The following SH3D19 variants were observed in gnomAD, a reference collection of about 807,000 sequenced individuals.
The protein encoded by SH3D19 is SH3 domain containing 19, also known as SH3 domain-containing protein 19.
Under a neutral mutation model 112.1 loss-of-function variants are expected in SH3D19, and 58 were observed. That is an observed-to-expected ratio of 0.52 (90% CI 0.42 to 0.64). SH3D19 has a LOEUF of 0.64. Ranked by LOEUF, SH3D19 falls within the 30% of genes least tolerant of loss-of-function variation. The pLI, the probability that SH3D19 is intolerant of heterozygous loss-of-function variation, is 0.00. For synonymous variants in SH3D19, 391 were observed against 448.5 expected (o/e 0.87, Z 1.62); for missense variants, 1,090 against 1,263.4 (o/e 0.86, Z 2.08).
intron 1 of SH3D19, among the ~76,000 whole-genome samples, chr4:151,306,409 G>A (rs936958945): frequency 6.6e-6 from 1 of 152,138 alleles, no homozygotes; most frequent in Non-Finnish European, 1.5e-5. Flanking sequence ...ATTGTTAGGA[G>A]AATTACAGGA....
intron 8 of SH3D19, among the ~76,000 whole-genome samples, chr4:151,160,756 G>C (rs2149798773): frequency 6.8e-6 from 1 of 146,246 alleles, no homozygotes; most frequent in South Asian, 2.2e-4. Flanking sequence ...AAGATGATTT[G>C]TCAGGTTCCT....
rs375690535 is a variant in SH3D19 at position 151,282,215 on chromosome 4, G to A, written c.112+43026C>T. 3 of 1,613,786 alleles carry A rather than the reference G, an allele frequency of 1.9e-6. No homozygotes were observed. Among genetic ancestry groups the A allele is most frequent in the African/African-American group, 2.7e-5 (2 of 74,924 alleles). On this transcript the variant is annotated intron_variant, in intron 1 of 19. Transcript: ENST00000604030. Reference sequence around the variant, plus strand: ...TACAGTAGGTGACTCAAGGAAACGTGTGAAGTACTACGTGTCCAAAATCGT... The same window carrying A: ...TACAGTAGGTGACTCAAGGAAACGTATGAAGTACTACGTGTCCAAAATCGT...
intron 1 of SH3D19, among the ~76,000 whole-genome samples, chr4:151,322,500 C>CAAAAA (rs11420449): frequency 3.3e-5 from 4 of 122,638 alleles, no homozygotes; most frequent in African/African-American, 1.2e-4. Context: ...ATAATTCTGC[C>CAAAAA]AAAAAAAAAA....
At chr4:151,292,958 A>C (rs1317929158) in intron 1 of SH3D19, among the ~76,000 whole-genome samples, 1 of 151,944 alleles carries the variant, frequency 6.6e-6, no homozygotes. Flanking sequence ...TGTCTCTACC[A>C]AAAATACAAA....
chr4:151,174,624 C>T lies in SH3D19; in HGVS notation c.1534+46G>A, dbSNP rs1189267984. The T allele has an allele frequency of 4.1e-6, 6 of 1,473,966 alleles. No individual in the cohort carries two copies. The South Asian group carries it at 7.8e-5, about 19-fold the overall frequency. 91.3% of individuals were successfully genotyped at this position (1,473,966 alleles called of 1,614,324 possible). ...AAACAGCAAGTGCCATTTAAAATAC[C>T]CTATCATGAGTTTAGATTCCCCTCC... On this transcript the variant is annotated intron_variant, in intron 7 of 19. Coordinates refer to ENST00000604030, the MANE Select transcript of SH3D19 (RefSeq NM_001378122.1).
chr4:151,284,992 C>T (rs960985868), intron 1 of SH3D19, among the ~76,000 whole-genome samples: 2 of 152,148 alleles, frequency 1.3e-5, no homozygotes, highest in Non-Finnish European at 2.9e-5. Context: ...TAAGGTAGCT[C>T]TGAACTCTAT....
In SH3D19 at chr4:151,175,826, A is replaced by G. The variant is rs1277883689; in HGVS notation, c.530-152T>C. ...CTTTTAATTAGTAAAAAGTGATTCA[A>G]AAATGGAAATGTTTATTCTGTTTCC... On this transcript the variant is annotated intron_variant, in intron 6 of 19. Transcript: ENST00000604030. 5 of 664,504 alleles carry G rather than the reference A, an allele frequency of 7.5e-6. No homozygotes were observed. The Admixed American group carries it at 1.3e-4, about 17-fold the overall frequency. 41.2% of individuals were successfully genotyped at this position (664,504 alleles called of 1,614,324 possible).
chr4:151,304,163 T>A (rs1198894373), intron 1 of SH3D19, among the ~76,000 whole-genome samples: 1 of 152,028 alleles, frequency 6.6e-6, no homozygotes, highest in Non-Finnish European at 1.5e-5. Flanking sequence ...ATTTGACATA[T>A]CTGAGTGACA....
In SH3D19 at chr4:151,156,356, G is replaced by A. The variant is rs190948940; in HGVS notation, c.1755+2884C>T. On this transcript the variant is annotated intron_variant, in intron 9 of 19. Coordinates refer to ENST00000604030, the MANE Select transcript of SH3D19 (RefSeq NM_001378122.1). ...CTTGTACGGAACCGCAAAAGGCCCC[G>A]AATAGTCAAAACAATCCTGAGCCAA... is the stretch of plus-strand genomic sequence containing the variant. Among the ~76,000 whole-genome samples the A allele has an allele frequency of 5.3e-5, 8 of 152,114 alleles. No individual in the cohort carries two copies. The East Asian group carries it at 1.5e-3, about 29-fold the overall frequency.
intron 19 of SH3D19, among the ~76,000 whole-genome samples, chr4:151,125,175 C>T (rs1303442362): frequency 1.3e-5 from 2 of 152,090 alleles, no homozygotes; most frequent in African/African-American, 4.8e-5. Context: ...ATAAGAAATA[C>T]CTATCATTTA....
In SH3D19 at chr4:151,148,010, G is replaced by A. The variant is rs1449779805; in HGVS notation, c.1994C>T (p.Ser665Leu). The A allele has an allele frequency of 6.2e-7, 1 of 1,614,142 alleles. No homozygotes were observed. The change falls in exon 11 of 20, where the codon TCA (serine) becomes TTA (leucine). Residue 665 changes from serine (S) to leucine (L), a missense_variant. By Grantham distance (145) the Ser-to-Leu change is moderately radical (BLOSUM62 -2). Coordinates refer to ENST00000604030, the MANE Select transcript of SH3D19 (RefSeq NM_001378122.1). ...TTTAAAAACTTGACTCTTGGCTTTT[G>A]AGAGTCCAGTTGCCAAGTTACTTTG... ...KKQSNLATGL[S>L]KAKSQVFKNQ...
intron 1 of SH3D19, among the ~76,000 whole-genome samples, chr4:151,318,987 T>G (rs1189804227): frequency 1.3e-5 from 2 of 152,222 alleles, no homozygotes; most frequent in African/African-American, 2.4e-5. Context: ...TATATATCTC[T>G]TTGTATTGCC....
At chr4:151,188,103 C>A (rs1412982764) in intron 2 of SH3D19, among the ~76,000 whole-genome samples, 1 of 152,112 alleles carries the variant, frequency 6.6e-6, no homozygotes, top group Non-Finnish European at 1.5e-5. Flanking sequence ...CAGATACCAG[C>A]CTCTCAATCT....
At position 151,256,968 on chromosome 4, in the gene SH3D19, G is replaced by A. The variant is rs1028048966; in HGVS notation, c.113-30882C>T. Among the ~76,000 whole-genome samples, 9 of 151,934 alleles carry A rather than the reference G, an allele frequency of 5.9e-5. No individual in the cohort carries two copies. The South Asian group carries it at 1.9e-3, about 32-fold the overall frequency. On this transcript the variant is annotated intron_variant, in intron 1 of 19. Transcript: ENST00000604030. ...TTTTGGCTAGGTTGGTCTCGAATTC[G>A]TGGCTTCAAGTGATCTGCCTGCCTC...
intron 1 of SH3D19, among the ~76,000 whole-genome samples, chr4:151,227,329 GA>G (rs1769167411): frequency 6.6e-6 from 1 of 152,152 alleles, no homozygotes; most frequent in Non-Finnish European, 1.5e-5. Flanking sequence ...TAATAAAAAA[GA>G]AATGTTTTTC....
chr4:151,135,810 C>T (rs1335147401), intron 14 of SH3D19, among the ~76,000 whole-genome samples: 1 of 152,128 alleles, frequency 6.6e-6, no homozygotes, highest in Non-Finnish European at 1.5e-5. Context: ...CCTGCCACAC[C>T]TACTCCAAGT....
intron 2 of SH3D19, among the ~76,000 whole-genome samples, chr4:151,207,566 G>A (rs984291442): frequency 6.6e-6 from 1 of 152,174 alleles, no homozygotes; most frequent in South Asian, 2.1e-4. Flanking sequence ...TCTTCAGGTA[G>A]CCAAAGGTAA....
chr4:151,213,687 A>AGTT (rs57143221), intron 2 of SH3D19, among the ~76,000 whole-genome samples: 1 of 148,324 alleles, frequency 6.7e-6, no homozygotes, highest in Non-Finnish European at 1.5e-5. Context: ...TTAATTAATT[A>AGTT]ATTTATTTAT....
chr4:151,144,098 C>A, intron 11 of SH3D19, 48 bp from the exon 12 acceptor site: 1 of 1,589,684 alleles, frequency 6.3e-7, no homozygotes, highest in Non-Finnish European at 8.6e-7. Flanking sequence ...TTTAATAAAA[C>A]ATTATTACTT....
Sources: gnomAD v4.1 joint callset for allele counts (sites outside exome capture counted in the v4.1 genomes callset) on GRCh38, gnomAD v4.1.1 for gene constraint, MANE v1.5 for transcripts, NCBI Gene and HGNC (gene_info 2026-07-23, HGNC 2026-07-21) for gene names.